Variants in ELMO2 observed in about 807,000 individuals in gnomAD.
ELMO2 encodes the protein engulfment and cell motility protein 2.
A neutral mutation model predicts 96.2 loss-of-function variants in ELMO2; 37 were observed. The ratio of observed to expected loss-of-function variants is 0.38; its 90% CI spans 0.30 to 0.51. The LOEUF (loss-of-function observed/expected upper bound fraction) is 0.51, where lower values mean the gene tolerates loss of function less well. Among genes scored for constraint, ELMO2 ranks in the 20% least tolerant of loss-of-function variants. The probability of loss-of-function intolerance (pLI) is 0.88; values close to 1 mark genes in which losing one functional copy is unlikely to be tolerated. For missense variants in ELMO2, 561 were observed against 912.6 expected, an observed-to-expected ratio of 0.61 and a Z score of 4.96; for synonymous variants, 315 against 329.4, an observed-to-expected ratio of 0.96 and a Z score of 0.47.
At chr20:46,367,743 T>G (rs2059613128) in intron 21 of ELMO2, among the ~76,000 whole-genome samples, 183 bp from the exon 22 acceptor site, 1 of 152,214 alleles carries the variant, frequency 6.6e-6, no homozygotes, top group Non-Finnish European at 1.5e-5. Flanking sequence ...TCAAGAGATC[T>G]GGTTTTTATA....
At chr20:46,405,928 C>T (rs1600909551) in intron 1 of ELMO2, among the ~76,000 whole-genome samples, 1 of 152,194 alleles carries the variant, frequency 6.6e-6, no homozygotes, top group African/African-American at 2.4e-5. Context: ...GGGCACGGTG[C>T]AAGGCCGACA....
At chr20:46,396,695 C>G (rs1021668518) in intron 2 of ELMO2, among the ~76,000 whole-genome samples, 1 of 152,092 alleles carries the variant, frequency 6.6e-6, no homozygotes, top group African/African-American at 2.4e-5. Flanking sequence ...ACAGAAGGTA[C>G]AACAGAAAGA....
rs940587846 is a variant in ELMO2 at position 46,368,515 on chromosome 20, C to T, written c.1962+376G>A. ...TTTTCCCAGTCCCAGGTAAATGACT[C>T]ATTCCTAGTTGACCTTATCTTTGTA... On this transcript the variant is annotated intron_variant, in intron 21 of 21. Transcript: ENST00000290246. Among the ~76,000 whole-genome samples, 79 of 152,194 alleles carry T rather than the reference C, an allele frequency of 5.2e-4. 1 individual carries two copies. The highest frequency in any genetic ancestry group is 1.9e-3 in the African/African-American group (78 of 41,516).
At position 46,379,155 on chromosome 20, in the gene ELMO2, G is replaced by A. The variant is rs571444653; in HGVS notation, c.807+1098C>T. On this transcript the variant is annotated intron_variant, in intron 11 of 21. Transcript: ENST00000290246. Reference sequence around the variant, plus strand: ...ATTACAGGCGCCTATCACCACGCCCGGCTAATTTTTGTATTTTTAGTAAAG... The same window carrying A: ...ATTACAGGCGCCTATCACCACGCCCAGCTAATTTTTGTATTTTTAGTAAAG... 3.9e-5 allele frequency among the ~76,000 whole-genome samples: 6 copies of A among 152,076 alleles called. No homozygotes were observed. In the South Asian group the frequency reaches 6.2e-4, roughly 16 times the overall value.
At chr20:46,380,917 CTTTA>C (rs747555378) in intron 10 of ELMO2, among the ~76,000 whole-genome samples, 16 of 152,144 alleles carry the variant, frequency 1.1e-4, no homozygotes, top group Non-Finnish European at 1.6e-4. Flanking sequence ...GATAGTTATG[CTTTA>C]TTTATTTAGC....
chr20:46,406,468 C>A (rs897725110), intron 1 of ELMO2, 80 bp downstream of exon 1: 1 of 152,862 alleles, frequency 6.5e-6, no homozygotes, highest in Non-Finnish European at 1.5e-5. Context: ...CTCGGCCCGG[C>A]CTCTCTTCCC....
intron 11 of ELMO2, among the ~76,000 whole-genome samples, chr20:46,379,404 C>T (rs540869508): frequency 6.6e-6 from 1 of 152,306 alleles, no homozygotes; most frequent in East Asian, 1.9e-4. Flanking sequence ...GGGATTTATA[C>T]CTCTTTCCAG....
Position 46,375,218 on chromosome 20 carries a change from A to G in ELMO2, c.1065+18T>C. The G allele has an allele frequency of 2.5e-6, 4 of 1,612,016 alleles. No homozygotes were observed. Among genetic ancestry groups the G allele is most frequent in the Non-Finnish European group, 3.4e-6 (4 of 1,179,482 alleles). On this transcript the variant is annotated intron_variant, in intron 13 of 21. Coordinates refer to ENST00000290246, the MANE Select transcript of ELMO2 (RefSeq NM_133171.5). The surrounding 1 kb of genome is among the most constrained non-coding windows in gnomAD (Gnocchi z 4.6). Reference sequence around the variant, plus strand: ...CAGGGGAGAGGGCCTACCACCGTCTATGCTCTGAGGTACTTACGGTAAATC... The same window carrying G: ...CAGGGGAGAGGGCCTACCACCGTCTGTGCTCTGAGGTACTTACGGTAAATC...
chr20:46,405,541 T>C (rs1042889265), intron 1 of ELMO2, among the ~76,000 whole-genome samples: 1 of 151,490 alleles, frequency 6.6e-6, no homozygotes, highest in African/African-American at 2.4e-5. Context: ...GATCTGACCC[T>C]ACAAAGGGGT....
chr20:46,396,190 A>G (rs961923363), intron 2 of ELMO2, among the ~76,000 whole-genome samples: 5 of 152,224 alleles, frequency 3.3e-5, no homozygotes, highest in Non-Finnish European at 5.9e-5. Flanking sequence ...CCCTATCTGC[A>G]TAATTTCTGG....
At chr20:46,374,296 G>T in intron 15 of ELMO2, 36 bp downstream of exon 15, 1 of 1,545,454 alleles carries the variant, frequency 6.5e-7, no homozygotes, top group South Asian at 1.1e-5. Flanking sequence ...TTGATGACAA[G>T]GAATGGCTGA....
rs1396187235 is a variant in ELMO2, at chr20:46,366,884, G to C, written c.*476C>G. On this transcript the variant is annotated 3_prime_UTR_variant, in exon 22 of 22. Coordinates refer to ENST00000290246, the MANE Select transcript of ELMO2 (RefSeq NM_133171.5). Reference sequence around the variant, plus strand: ...CTCATCAAAAAAGACAAAAGCAAAAGCCTCAGGCTTGTACTCAGATCTAAG... The same window carrying C: ...CTCATCAAAAAAGACAAAAGCAAAACCCTCAGGCTTGTACTCAGATCTAAG... 1.3e-5 allele frequency: 2 copies of C among 153,280 alleles called. No homozygotes were observed. The highest frequency in any genetic ancestry group is 4.8e-5 in the African/African-American group (2 of 41,468). 9.5% of individuals were successfully genotyped at this position (153,280 alleles called of 1,614,324 possible). A position where few individuals can be genotyped will look rare whatever the true frequency, so the allele number is the denominator to read the frequency against.
At chr20:46,394,292 T>C in intron 3 of ELMO2, 113 bp downstream of exon 3, 1 of 1,309,298 alleles carries the variant, frequency 7.6e-7, no homozygotes, top group Non-Finnish European at 1.1e-6. Flanking sequence ...TTAGCCTTCC[T>C]GTTGCTCGTT....
rs574575295 is a variant in ELMO2, at chr20:46,374,488, CAGG to C, written c.1170+45_1170+47del. The C allele has an allele frequency of 5.3e-4, 856 of 1,611,916 alleles. 9 individuals are homozygous for C. Among genetic ancestry groups the C allele is most frequent in the South Asian group, 4.6e-3 (422 of 91,028 alleles). On this transcript the variant is annotated intron_variant, in intron 14 of 21. Coordinates refer to ENST00000290246, the MANE Select transcript of ELMO2 (RefSeq NM_133171.5). ...GGATTAGGGAGATGAAGGAGGAAGG[CAGG>C]AGATGTGGCACCAGGACTGAGAAGG...
At chr20:46,393,407 G>A in intron 5 of ELMO2, 122 bp downstream of exon 5, 1 of 1,136,056 alleles carries the variant, frequency 8.8e-7, no homozygotes, top group Non-Finnish European at 1.3e-6. Context: ...TGTCCGGAGA[G>A]TGACTCTTTA....
chr20:46,394,300 G>A (rs1395450549), intron 3 of ELMO2, 105 bp downstream of exon 3: 15 of 1,358,306 alleles, frequency 1.1e-5, no homozygotes, highest in Middle Eastern at 1.9e-4. Flanking sequence ...CCTGTTGCTC[G>A]TTCTTACTCT....
At chr20:46,369,693 C>T (rs2059656728) in intron 20 of ELMO2, 1 of 156,320 alleles carries the variant, frequency 6.4e-6, no homozygotes, top group African/African-American at 2.4e-5. Flanking sequence ...TGACACTGGC[C>T]AGGAAAAAAG....
At chr20:46,401,328 G>A (rs757508958) in intron 1 of ELMO2, among the ~76,000 whole-genome samples, 48 of 152,204 alleles carry the variant, frequency 3.2e-4, no homozygotes, top group Non-Finnish European at 6.2e-4. Flanking sequence ...ACTGCTGGAA[G>A]CCCTGGGAAG....
chr20:46,402,527 A>G (rs1015765678), intron 1 of ELMO2, among the ~76,000 whole-genome samples: 4 of 152,234 alleles, frequency 2.6e-5, no homozygotes, highest in African/African-American at 9.6e-5. Context: ...TGAACTTCAG[A>G]ATTAAACTTT....
Sources: allele counts gnomAD v4.1 joint callset (sites outside exome capture counted in the v4.1 genomes callset), GRCh38; gene constraint gnomAD v4.1.1; non-coding constraint Gnocchi (gnomAD v3.1); transcripts MANE v1.5; gene names NCBI Gene and HGNC (gene_info 2026-07-23, HGNC 2026-07-21).